The following KCNJ6 variants were observed in gnomAD, a reference collection of about 807,000 sequenced individuals.
KCNJ6 encodes the protein G protein-activated inward rectifier potassium channel 2.
A neutral mutation model predicts 34.2 loss-of-function variants in KCNJ6; 9 were observed. That is an observed-to-expected ratio of 0.26 (90% CI 0.16 to 0.46). KCNJ6 has a LOEUF of 0.46. Among genes scored for constraint, KCNJ6 ranks in the 20% least tolerant of loss-of-function variants. KCNJ6 has a pLI of 1.00. For synonymous variants in KCNJ6, 196 were observed against 207.1 expected (o/e 0.95, Z 0.46); for missense variants, 236 against 531.3 (o/e 0.44, Z 5.46).
chr21:37,650,245 G>T (rs1276853978), intron 3 of KCNJ6, among the ~76,000 whole-genome samples: 1 of 152,188 alleles, frequency 6.6e-6, no homozygotes, highest in Non-Finnish European at 1.5e-5. Context: ...CCAGCAAGGT[G>T]GGGTGGGCAG....
chr21:37,786,365 G>A (rs1316644510), intron 2 of KCNJ6, among the ~76,000 whole-genome samples: 2 of 152,204 alleles, frequency 1.3e-5, no homozygotes. Context: ...GCTTCTTCCT[G>A]TTGGGGCATC....
At chr21:37,644,872 C>CGAAACAATA (rs2054396499) in intron 3 of KCNJ6, among the ~76,000 whole-genome samples, 2 of 152,092 alleles carry the variant, frequency 1.3e-5, no homozygotes, top group African/African-American at 4.8e-5. Flanking sequence ...GGGAGACTGG[C>CGAAACAATA]GAAACAATAG....
intron 1 of KCNJ6, among the ~76,000 whole-genome samples, chr21:37,869,775 G>C (rs892914188): frequency 2.0e-5 from 3 of 152,214 alleles, no homozygotes; most frequent in African/African-American, 7.2e-5. Context: ...TCCTTTAAGA[G>C]GCCAGCCTGG....
chr21:37,912,594 T>C (rs2055872316), intron 1 of KCNJ6, among the ~76,000 whole-genome samples: 1 of 152,230 alleles, frequency 6.6e-6, no homozygotes, highest in African/African-American at 2.4e-5. Flanking sequence ...CTGCGTTGTT[T>C]AATACTCCAC....
chr21:37,761,426 TTGTGTTGTGTGTGTATATTTGTG>T (rs1244797088), intron 2 of KCNJ6, among the ~76,000 whole-genome samples: 1 of 150,714 alleles, frequency 6.6e-6, no homozygotes, highest in Non-Finnish European at 1.5e-5. Flanking sequence ...GGTGTGTGTG[TTGTGTTGTGTGTGTATATTTGTG>T]TGTGTTGTGT....
chr21:37,770,579 A>G (rs1017211007), intron 2 of KCNJ6, among the ~76,000 whole-genome samples: 6 of 152,178 alleles, frequency 3.9e-5, no homozygotes, highest in Admixed American at 6.5e-5. Flanking sequence ...GAATGTCACA[A>G]TGGAAAATTA....
chr21:37,628,124 A>G (rs1261203177), intron 3 of KCNJ6, among the ~76,000 whole-genome samples: 1 of 152,242 alleles, frequency 6.6e-6, no homozygotes, highest in African/African-American at 2.4e-5. Context: ...ACAAAAATTT[A>G]TGACACATGC....
intron 2 of KCNJ6, among the ~76,000 whole-genome samples, chr21:37,728,136 A>G (rs181846694): frequency 8.4e-4 from 128 of 152,336 alleles, no homozygotes; most frequent in Middle Eastern, 3.4e-3. Context: ...AAAGGAAGAA[A>G]ATTCTAACAC....
intron 3 of KCNJ6, among the ~76,000 whole-genome samples, chr21:37,707,670 T>TGTG (rs2054727118): frequency 4.3e-3 from 3 of 704 alleles, no homozygotes; most frequent in Non-Finnish European, 0.012. Context: ...AGCAAGGGCA[T>TGTG]GATTGACTGA....
chr21:37,883,693 C>T (rs1439902185), intron 1 of KCNJ6, among the ~76,000 whole-genome samples: 2 of 152,196 alleles, frequency 1.3e-5, no homozygotes, highest in African/African-American at 4.8e-5. Flanking sequence ...CTGTCACTTT[C>T]TGATTGTTTA....
chr21:37,652,345 T>C (rs1344053156), intron 3 of KCNJ6, among the ~76,000 whole-genome samples: 2 of 152,086 alleles, frequency 1.3e-5, no homozygotes, highest in Non-Finnish European at 2.9e-5. Context: ...AACAGTGGGG[T>C]CAGAAACCTG....
At chr21:37,829,505 C>T (rs546469706) in intron 2 of KCNJ6, among the ~76,000 whole-genome samples, 3 of 152,210 alleles carry the variant, frequency 2.0e-5, no homozygotes, top group Non-Finnish European at 4.4e-5. Context: ...GCTGGGAACA[C>T]ATCCTGCTGC....
rs554533041 is a variant in KCNJ6 at position 37,678,850 on chromosome 21, T to C, written c.946+35361A>G. ...GGGGCCAAATCCCAGCTCTACTGCTTACATGGTTTAAAACACAGGCACAAA... is the reference window on the plus strand; with the variant it reads ...GGGGCCAAATCCCAGCTCTACTGCTCACATGGTTTAAAACACAGGCACAAA... On this transcript the variant is annotated intron_variant, in intron 3 of 3. Transcript: ENST00000609713. Among the ~76,000 whole-genome samples, 7 of 152,304 alleles carry C rather than the reference T, an allele frequency of 4.6e-5. No homozygotes were observed. In the East Asian group the frequency reaches 7.7e-4, roughly 17 times the overall value.
At chr21:37,875,267 GA>G (rs2123616949) in intron 1 of KCNJ6, among the ~76,000 whole-genome samples, 1 of 152,294 alleles carries the variant, frequency 6.6e-6, no homozygotes, top group East Asian at 1.9e-4. Flanking sequence ...AAAAAGAATT[GA>G]AAAGCAGAAG....
intron 1 of KCNJ6, among the ~76,000 whole-genome samples, chr21:37,915,398 A>T (rs2055888449): frequency 6.6e-6 from 1 of 152,136 alleles, no homozygotes; most frequent in Non-Finnish European, 1.5e-5. Context: ...CATTCTCCGC[A>T]TGTTTCTCCC....
At chr21:37,762,006 T>C (rs117659407) in intron 2 of KCNJ6, among the ~76,000 whole-genome samples, 2,645 of 152,276 alleles carry the variant, frequency 0.017, 40 homozygotes, top group Non-Finnish European at 0.023. Context: ...GTTGCTGATC[T>C]GGTTTAGGGC....
At chr21:37,783,397 A>G (rs1270709130) in intron 2 of KCNJ6, among the ~76,000 whole-genome samples, 1 of 152,096 alleles carries the variant, frequency 6.6e-6, no homozygotes, top group Non-Finnish European at 1.5e-5. Context: ...TAGTGAATAA[A>G]TCTCACGAGA....
At chr21:37,647,104 T>G (rs1173944647) in intron 3 of KCNJ6, among the ~76,000 whole-genome samples, 4 of 152,164 alleles carry the variant, frequency 2.6e-5, no homozygotes, top group African/African-American at 9.7e-5. Context: ...AAGTCATGTA[T>G]TAAATGAAGT....
chr21:37,651,729 GAGA>G (rs1300373809), intron 3 of KCNJ6, among the ~76,000 whole-genome samples: 2 of 152,212 alleles, frequency 1.3e-5, no homozygotes, highest in Admixed American at 1.3e-4. Flanking sequence ...GGACTGGATT[GAGA>G]AGGAGTGTGT....
Sources: gnomAD v4.1 joint callset for allele counts (sites outside exome capture counted in the v4.1 genomes callset) on GRCh38, gnomAD v4.1.1 for gene constraint, MANE v1.5 for transcripts, NCBI Gene and HGNC (gene_info 2026-07-23, HGNC 2026-07-21) for gene names.